Variants in NOL4 observed in about 807,000 individuals in gnomAD.
NOL4 encodes the protein nucleolar protein 4, also known as cancer/testis antigen 125.
A neutral mutation model predicts 75.9 loss-of-function variants in NOL4; 17 were observed. The ratio of observed to expected loss-of-function variants is 0.22; its 90% confidence interval spans 0.15 to 0.34. The LOEUF (loss-of-function observed/expected upper bound fraction) is 0.34. Among genes scored for constraint, NOL4 ranks in the 10% least tolerant of loss-of-function variants. The pLI, the probability that NOL4 is intolerant of heterozygous loss-of-function variation, is 1.00. For missense variants in NOL4, 614 were observed against 793.5 expected (o/e 0.77, Z 2.72); for synonymous variants, 292 against 289.9 (o/e 1.01, Z -0.07).
intron 5 of NOL4, among the ~76,000 whole-genome samples, chr18:34,020,831 A>T (rs940000856): frequency 2.6e-5 from 4 of 152,188 alleles, no homozygotes; most frequent in Admixed American, 6.6e-5. Context: ...ATATGATAAA[A>T]ATTTGCTACT....
At chr18:33,978,956 G>A (rs186479801) in intron 6 of NOL4, among the ~76,000 whole-genome samples, 126 of 152,042 alleles carry the variant, frequency 8.3e-4, no homozygotes, top group Non-Finnish European at 1.5e-3. Flanking sequence ...ATAAATCCTG[G>A]TGTATAATTG....
At chr18:33,919,906 TG>T (rs1244383888) in intron 9 of NOL4, among the ~76,000 whole-genome samples, 1 of 152,138 alleles carries the variant, frequency 6.6e-6, no homozygotes, top group African/African-American at 2.4e-5. Context: ...TAAAAATAGA[TG>T]GGGGGCTGTG....
At chr18:34,049,085 C>T (rs1419097998) in intron 5 of NOL4, among the ~76,000 whole-genome samples, 2 of 140,482 alleles carry the variant, frequency 1.4e-5, no homozygotes, top group African/African-American at 5.1e-5. Flanking sequence ...CACACACACA[C>T]ACACACACAC....
At chr18:34,186,067 C>A (rs1207456769) in intron 1 of NOL4, among the ~76,000 whole-genome samples, 1 of 152,096 alleles carries the variant, frequency 6.6e-6, no homozygotes, top group Non-Finnish European at 1.5e-5. Flanking sequence ...TGAAATACAT[C>A]ATTTTGCTTT....
At chr18:33,886,026 G>A (rs542532977) in intron 9 of NOL4, among the ~76,000 whole-genome samples, 1 of 152,232 alleles carries the variant, frequency 6.6e-6, no homozygotes, top group East Asian at 1.9e-4. Context: ...CAACAACATG[G>A]ATGAAACTGG....
chr18:34,214,713 T>C (rs896506966), intron 1 of NOL4, among the ~76,000 whole-genome samples: 2 of 152,114 alleles, frequency 1.3e-5, no homozygotes, highest in Admixed American at 6.6e-5. Context: ...ATCTGCCCAC[T>C]CGTGTTCATT....
intron 5 of NOL4, among the ~76,000 whole-genome samples, chr18:34,044,317 A>G (rs1012577007): frequency 2.0e-5 from 3 of 152,048 alleles, no homozygotes; most frequent in Admixed American, 6.6e-5. Flanking sequence ...TCTTTAACTA[A>G]TTGGATAATT....
At chr18:33,998,509 C>T (rs2073454565) in intron 6 of NOL4, among the ~76,000 whole-genome samples, 1 of 152,006 alleles carries the variant, frequency 6.6e-6, no homozygotes, top group African/African-American at 2.4e-5. Flanking sequence ...AAAAGAAAGG[C>T]CCAGCCTTTT....
intron 5 of NOL4, among the ~76,000 whole-genome samples, chr18:34,054,646 T>A (rs1400379503): frequency 6.6e-6 from 1 of 151,928 alleles, no homozygotes; most frequent in Non-Finnish European, 1.5e-5. Flanking sequence ...CTTGATTTTT[T>A]AAATCCATTC....
chr18:34,107,599 G>A (rs2079366379), intron 2 of NOL4, among the ~76,000 whole-genome samples: 1 of 151,144 alleles, frequency 6.6e-6, no homozygotes, highest in South Asian at 2.1e-4. Context: ...CTATGCACAG[G>A]GAAGAAAGAT....
chr18:34,215,337 G>T (rs776904566), intron 1 of NOL4, among the ~76,000 whole-genome samples: 4 of 152,094 alleles, frequency 2.6e-5, no homozygotes, highest in Non-Finnish European at 5.9e-5. Flanking sequence ...CATTAATACT[G>T]AACATCAAAA....
Position 34,105,077 on chromosome 18 carries a change from A to G in NOL4, c.498T>C (p.His166=), listed in dbSNP as rs778904882. The G allele has an allele frequency of 1.9e-6, 3 of 1,611,372 alleles. No individual in the cohort carries two copies. The highest frequency in any genetic ancestry group is 2.5e-6 in the Non-Finnish European group (3 of 1,177,932). The change falls in exon 3 of 11, where the codon CAT becomes CAC. Residue 166 remains histidine (H), a synonymous_variant. Coordinates refer to ENST00000261592, the MANE Select transcript of NOL4 (RefSeq NM_003787.5). ...TATGATCTGTTCCATCTGGGTTTAAATGCATTCTTTTCTGGCACTCTGAGC... is the reference window on the plus strand; with the variant it reads ...TATGATCTGTTCCATCTGGGTTTAAGTGCATTCTTTTCTGGCACTCTGAGC... ...MSCSECQKRM[H]LNPDGTDHKD... is the part of the protein sequence containing the mutation.
At chr18:33,969,844 C>T (rs537610249) in intron 6 of NOL4, among the ~76,000 whole-genome samples, 1 of 151,848 alleles carries the variant, frequency 6.6e-6, no homozygotes, top group Non-Finnish European at 1.5e-5. Context: ...TTTATCATAA[C>T]CTGCCAATGA....
chr18:34,118,165 G>C (rs368585703), intron 2 of NOL4, among the ~76,000 whole-genome samples: 109 of 152,238 alleles, frequency 7.2e-4, no homozygotes, highest in African/African-American at 2.6e-3. Context: ...TGAATTTAGA[G>C]AATAGCAATA....
chr18:34,068,556 C>T (rs537542227), intron 5 of NOL4, among the ~76,000 whole-genome samples: 9 of 152,136 alleles, frequency 5.9e-5, no homozygotes, highest in African/African-American at 1.7e-4. Context: ...CGTGCCACCA[C>T]GCCCAGCTAA....
intron 8 of NOL4, among the ~76,000 whole-genome samples, chr18:33,952,165 A>T (rs145704541): frequency 1.6e-3 from 248 of 152,196 alleles, no homozygotes; most frequent in African/African-American, 5.6e-3. Context: ...GGGGTGTGTG[A>T]ATGTGAAGAG....
At chr18:33,958,596 C>T (rs1435721657) in intron 6 of NOL4, among the ~76,000 whole-genome samples, 178 bp from the exon 7 acceptor site, 3 of 152,046 alleles carry the variant, frequency 2.0e-5, no homozygotes, top group Admixed American at 2.0e-4. Flanking sequence ...AATTTCATTT[C>T]CTTGGTCACG....
At chr18:34,071,822 A>G (rs529196785) in intron 5 of NOL4, among the ~76,000 whole-genome samples, 1 of 152,320 alleles carries the variant, frequency 6.6e-6, no homozygotes, top group Non-Finnish European at 1.5e-5. Context: ...GATGTAACAC[A>G]TCGTAAGACA....
intron 10 of NOL4, among the ~76,000 whole-genome samples, chr18:33,868,397 T>C (rs937296833): frequency 1.3e-5 from 2 of 152,000 alleles, no homozygotes; most frequent in African/African-American, 2.4e-5. Context: ...GTTGGTCATA[T>C]GTTGGGCATC....
Sources: gnomAD v4.1 joint callset for allele counts (sites outside exome capture counted in the v4.1 genomes callset) on GRCh38, gnomAD v4.1.1 for gene constraint, MANE v1.5 for transcripts, NCBI Gene and HGNC (gene_info 2026-07-23, HGNC 2026-07-21) for gene names.